SFMBT1: variants seen among roughly 807,000 people sequenced by gnomAD.
The protein encoded by SFMBT1 is Scm like with four mbt domains 1, also known as scm-like with four MBT domains protein 1.
Under a neutral mutation model 108.7 loss-of-function variants are expected in SFMBT1, and 32 were observed. The ratio of observed to expected loss-of-function variants is 0.29; its 90% CI spans 0.22 to 0.40. The LOEUF (loss-of-function observed/expected upper bound fraction) is 0.40. Ranked by LOEUF, SFMBT1 falls within the 10% of genes least tolerant of loss-of-function variation. SFMBT1 has a pLI of 1.00. For missense variants in SFMBT1, 816 were observed against 1,059.6 expected, an observed-to-expected ratio of 0.77 and a Z score of 3.19; for synonymous variants, 348 against 369.5, an observed-to-expected ratio of 0.94 and a Z score of 0.67.
At chr3:52,963,179 G>C (rs1704021800) in intron 2 of SFMBT1, among the ~76,000 whole-genome samples, 1 of 151,710 alleles carries the variant, frequency 6.6e-6, no homozygotes, top group Non-Finnish European at 1.5e-5. Flanking sequence ...ATTTTTAGTA[G>C]AGATGGGGTT....
rs1168897726 is a variant in SFMBT1 at position 52,907,739 on chromosome 3, T to C, written c.1907-6A>G. ...CTTCTTTCCGTAATAGTGTGCTAAA[T>C]GTGGATGACAAAGAAAAATGAAGTA... On this transcript the variant is annotated splice_region_variant and splice_polypyrimidine_tract_variant and intron_variant, in intron 17 of 20. Transcript: ENST00000394752. 6 of 1,580,760 alleles carry C rather than the reference T, an allele frequency of 3.8e-6. No individual in the cohort carries two copies. In the Admixed American group the frequency reaches 7.9e-5, roughly 21 times the overall value.
intron 1 of SFMBT1, chr3:53,043,176 G>C (rs1387035133): frequency 6.6e-6 from 1 of 152,016 alleles, no homozygotes; most frequent in Non-Finnish European, 1.5e-5. Flanking sequence ...ACAAGAAAAG[G>C]CACAAGACGA....
intron 1 of SFMBT1, among the ~76,000 whole-genome samples, chr3:53,035,972 T>C (rs902264608): frequency 6.6e-6 from 1 of 152,272 alleles, no homozygotes; most frequent in African/African-American, 2.4e-5. Context: ...TTTTAATATC[T>C]AGTTTCACTT....
rs150311015 is a variant in SFMBT1, at chr3:52,949,018, G to A, written c.123+5299C>T. On this transcript the variant is annotated intron_variant, in intron 3 of 20. Coordinates refer to ENST00000394752, the MANE Select transcript of SFMBT1 (RefSeq NM_016329.4). ...GACATTTTATGTTTCTGATGTTACT[G>A]CATTTTCATTTAGTTCCAAATATTT... is the stretch of plus-strand genomic sequence containing the variant. Among the ~76,000 whole-genome samples, 466 of 151,520 alleles carry A rather than the reference G, an allele frequency of 3.1e-3. 6 individuals are homozygous for A. The highest frequency in any genetic ancestry group is 0.011 in the South Asian group (53 of 4,780).
chr3:52,935,485 C>A (rs1305906507), intron 4 of SFMBT1, among the ~76,000 whole-genome samples: 8 of 152,172 alleles, frequency 5.3e-5, no homozygotes, highest in African/African-American at 1.7e-4. Context: ...CTATCTTGCC[C>A]TTTACAGATA....
chr3:52,907,181 G>A lies in SFMBT1; in HGVS notation c.2219C>T (p.Ser740Phe). ...TGTGGATATCTCACTTTGGGTGGGA[G>A]AAGAGGAGCATGACTTTTTTTCTGA... ...EMSEKKSCSS[S>F]PTQSEISTSL... The change falls in exon 19 of 21, where the codon TCT (serine) becomes TTT (phenylalanine). Residue 740 changes from serine to phenylalanine, a missense_variant. Ser to Phe is a radical substitution (Grantham distance 155). This residue lies in a region of SFMBT1 where 177 missense variants were observed against 182.0 expected (regional missense o/e 0.97). Transcript: ENST00000394752. The A allele has an allele frequency of 6.2e-7, 1 of 1,614,164 alleles. No individual in the cohort carries two copies. The highest frequency in any genetic ancestry group is 1.3e-5 in the African/African-American group (1 of 75,032).
At chr3:52,950,843 G>A (rs1703555668) in intron 3 of SFMBT1, among the ~76,000 whole-genome samples, 1 of 152,090 alleles carries the variant, frequency 6.6e-6, no homozygotes, top group South Asian at 2.1e-4. Flanking sequence ...GGCCAGGCAT[G>A]GTGGCTCATG....
Position 52,926,023 on chromosome 3 carries a change from G to T in SFMBT1, c.1131+8C>A. The T allele has an allele frequency of 1.9e-6, 3 of 1,606,186 alleles. No homozygotes were observed. Among genetic ancestry groups the T allele is most frequent in the Admixed American group, 1.7e-5 (1 of 58,146 alleles). The stretch of plus-strand genomic sequence containing the variant: ...CCATAGTGGCCATGAGGCCGTGGGG[G>T]TCCTCACCGGAGGGAAGCACCTCTG... On this transcript the variant is annotated splice_region_variant and intron_variant, in intron 10 of 20. Coordinates refer to ENST00000394752, the MANE Select transcript of SFMBT1 (RefSeq NM_016329.4).
intron 1 of SFMBT1, among the ~76,000 whole-genome samples, chr3:53,000,637 AG>A (rs1698515182): frequency 6.7e-6 from 1 of 150,142 alleles, no homozygotes; most frequent in Non-Finnish European, 1.5e-5. Context: ...CAGTGATTCT[AG>A]GTGAAAGACA....
chr3:53,028,503 G>T (rs1371228964), intron 1 of SFMBT1, among the ~76,000 whole-genome samples: 1 of 152,126 alleles, frequency 6.6e-6, no homozygotes, highest in Non-Finnish European at 1.5e-5. Flanking sequence ...TGCCTTCATG[G>T]GTCAAAACTA....
chr3:53,016,706 T>A (rs1198564136), intron 1 of SFMBT1, among the ~76,000 whole-genome samples: 1 of 152,234 alleles, frequency 6.6e-6, no homozygotes, highest in Non-Finnish European at 1.5e-5. Flanking sequence ...CAGTTCTATG[T>A]GATTATTTAT....
At chr3:53,014,714 C>A (rs1699069197) in intron 1 of SFMBT1, among the ~76,000 whole-genome samples, 1 of 152,152 alleles carries the variant, frequency 6.6e-6, no homozygotes, top group Non-Finnish European at 1.5e-5. Context: ...CAGTCTCTGA[C>A]AGGGGTGAGT....
Position 52,905,084 on chromosome 3 carries a change from A to C in SFMBT1, c.*52T>G, listed in dbSNP as rs1322919798. The C allele has an allele frequency of 6.3e-7, 1 of 1,599,574 alleles. No individual in the cohort carries two copies. Among genetic ancestry groups the C allele is most frequent in the Non-Finnish European group, 8.5e-7 (1 of 1,172,652 alleles). On this transcript the variant is annotated 3_prime_UTR_variant, in exon 21 of 21. Transcript: ENST00000394752. ...CAGCTCCACTTATAAAGCAGGGTGA[A>C]GGATTTGCTGCATTTGTGCTTCAAA...
intron 1 of SFMBT1, among the ~76,000 whole-genome samples, chr3:52,979,807 G>A (rs1249915041): frequency 6.6e-6 from 1 of 152,166 alleles, no homozygotes; most frequent in Non-Finnish European, 1.5e-5. Flanking sequence ...CACCACATTT[G>A]TTCTAGGTGA....
intron 3 of SFMBT1, among the ~76,000 whole-genome samples, chr3:52,944,520 T>C: frequency 6.6e-6 from 1 of 152,208 alleles, no homozygotes; most frequent in East Asian, 1.9e-4. Context: ...TTTCTTTCTT[T>C]TCTTTTTTAT....
rs774628083 is a variant in SFMBT1, at chr3:52,907,586, G to C, written c.2054C>G (p.Ser685Cys). The C allele has an allele frequency of 1.1e-5, 18 of 1,613,888 alleles. No homozygotes were observed. The highest frequency in any genetic ancestry group is 1.5e-5 in the Non-Finnish European group (18 of 1,179,958). Reference protein sequence around the residue: ...FVHKKKRSSASVDNTPAGSPQ... With the variant: ...FVHKKKRSSACVDNTPAGSPQ... The stretch of plus-strand genomic sequence containing the variant: ...AGAGCCCGCTGGGGTATTATCAACA[G>C]ATGCAGAGGAGCGTTTCTTCTTATG... The change falls in exon 18 of 21, where the codon TCT (serine) becomes TGT (cysteine). Residue 685 changes from serine to cysteine, a missense_variant. By Grantham distance (112) the Ser-to-Cys change is moderately radical (BLOSUM62 -1). Transcript: ENST00000394752.
chr3:52,916,707 A>C (rs1702368644), intron 13 of SFMBT1, among the ~76,000 whole-genome samples: 4 of 152,034 alleles, frequency 2.6e-5, no homozygotes. Flanking sequence ...AACAACAACA[A>C]AAAACTACAA....
chr3:52,989,964 A>T (rs1705064266), intron 1 of SFMBT1, among the ~76,000 whole-genome samples: 1 of 152,222 alleles, frequency 6.6e-6, no homozygotes, highest in Non-Finnish European at 1.5e-5. Context: ...TAAGGCAGAC[A>T]ATTGGTTACT....
intron 1 of SFMBT1, among the ~76,000 whole-genome samples, chr3:53,035,258 T>C (rs985167807): frequency 8.5e-6 from 1 of 116,998 alleles, no homozygotes; most frequent in African/African-American, 3.4e-5. Flanking sequence ...CTACTTGGCC[T>C]CAGTGCTTCA....
Sources: allele counts gnomAD v4.1 joint callset (sites outside exome capture counted in the v4.1 genomes callset), GRCh38; gene constraint gnomAD v4.1.1; regional missense constraint gnomAD v4.1.1; transcripts MANE v1.5; gene names NCBI Gene and HGNC (gene_info 2026-07-23, HGNC 2026-07-21).